The following EPB41L5 variants were observed in gnomAD, a reference collection of about 807,000 sequenced individuals.
EPB41L5 encodes the protein erythrocyte membrane protein band 4.1 like 5.
In EPB41L5, 55 loss-of-function variants were observed where a neutral mutation model predicts 106.6. The observed-to-expected ratio is 0.52, with a 90% confidence interval of 0.42 to 0.65. The LOEUF (loss-of-function observed/expected upper bound fraction) is 0.65, where lower values mean the gene tolerates loss of function less well. Ranked by LOEUF, EPB41L5 falls within the 30% of genes least tolerant of loss-of-function variation. EPB41L5 has a pLI of 0.00. For missense variants in EPB41L5, 871 were observed against 882.1 expected, an observed-to-expected ratio of 0.99 and a Z score of 0.16; for synonymous variants, 297 against 306.7, an observed-to-expected ratio of 0.97 and a Z score of 0.33.
chr2:120,147,077 G>T (rs1438798442), intron 20 of EPB41L5, among the ~76,000 whole-genome samples: 2 of 152,288 alleles, frequency 1.3e-5, no homozygotes, highest in East Asian at 3.9e-4. Context: ...GCCAGGCACG[G>T]TGTCTCAGAC....
At chr2:120,170,516 C>T (rs1037972913) in intron 24 of EPB41L5, among the ~76,000 whole-genome samples, 1 of 152,204 alleles carries the variant, frequency 6.6e-6, no homozygotes, top group African/African-American at 2.4e-5. Context: ...AAGAAGCTGC[C>T]CTCAGTCCTT....
chr2:120,072,033 A>G (rs961231004), intron 3 of EPB41L5, among the ~76,000 whole-genome samples: 11 of 152,248 alleles, frequency 7.2e-5, no homozygotes, highest in Non-Finnish European at 1.3e-4. Context: ...TTTGCAATGT[A>G]TCCATCTGGC....
intron 20 of EPB41L5, among the ~76,000 whole-genome samples, chr2:120,158,129 C>T (rs1012172841): frequency 2.0e-5 from 3 of 152,082 alleles, no homozygotes; most frequent in African/African-American, 7.2e-5. Flanking sequence ...AAAAAAAGCC[C>T]AGGATTAGAT....
intron 10 of EPB41L5, among the ~76,000 whole-genome samples, chr2:120,082,393 A>G (rs549453724): frequency 6.6e-6 from 1 of 152,066 alleles, no homozygotes; most frequent in Non-Finnish European, 1.5e-5. Context: ...AGTTCTGTTT[A>G]TATGCTGGAT....
chr2:120,121,282 C>T (rs1185526451), intron 16 of EPB41L5, among the ~76,000 whole-genome samples: 1 of 152,140 alleles, frequency 6.6e-6, no homozygotes, highest in Non-Finnish European at 1.5e-5. Context: ...TATACTTGTG[C>T]CATGTTGGTT....
At chr2:120,150,821 T>C (rs1291171813) in intron 20 of EPB41L5, among the ~76,000 whole-genome samples, 1 of 152,244 alleles carries the variant, frequency 6.6e-6, no homozygotes, top group Non-Finnish European at 1.5e-5. Flanking sequence ...GATTGTCTTT[T>C]CACTTTCTTA....
In EPB41L5 at chr2:120,143,125, G is replaced by C; in HGVS notation, c.1722G>C (p.Val574=). 6.3e-7 allele frequency: 1 copy of C among 1,594,234 alleles called. No homozygotes were observed. Among genetic ancestry groups the C allele is most frequent in the Non-Finnish European group, 8.5e-7 (1 of 1,172,540 alleles). ...TTTTGAAGGCTCAAGTAGAAGCAGT[G>C]CATAAGGTAAGCTGCCTTTGATAGA... ...SNILKAQVEA[V]HKVTKEDSLL... Residue 574 remains valine (V), a synonymous_variant, in exon 19 of 25, where the codon GTG becomes GTC. Coordinates refer to ENST00000263713, the MANE Select transcript of EPB41L5 (RefSeq NM_020909.4).
intron 3 of EPB41L5, among the ~76,000 whole-genome samples, chr2:120,068,984 C>T (rs771994610): frequency 6.6e-5 from 10 of 151,592 alleles, no homozygotes; most frequent in African/African-American, 7.3e-5. Context: ...AAAAATTAGC[C>T]GGGTGAGGTT....
chr2:120,099,983 C>T (rs1684032841), intron 14 of EPB41L5, among the ~76,000 whole-genome samples: 1 of 152,146 alleles, frequency 6.6e-6, no homozygotes, highest in East Asian at 1.9e-4. Flanking sequence ...TGAAGTATAC[C>T]TCTAAAGCAT....
intron 2 of EPB41L5, among the ~76,000 whole-genome samples, chr2:120,027,154 T>G (rs1325431787): frequency 1.3e-5 from 2 of 152,240 alleles, no homozygotes; most frequent in Non-Finnish European, 2.9e-5. Context: ...GGGCAGTTAT[T>G]CATATAGTAC....
chr2:120,152,743 T>C (rs1247677065), intron 20 of EPB41L5, among the ~76,000 whole-genome samples: 1 of 152,250 alleles, frequency 6.6e-6, no homozygotes, highest in Non-Finnish European at 1.5e-5. Flanking sequence ...CTTTTCTTTG[T>C]TGGAAAGTTT....
chr2:120,122,783 C>G (rs1008046158), intron 16 of EPB41L5, among the ~76,000 whole-genome samples: 1 of 152,172 alleles, frequency 6.6e-6, no homozygotes, highest in Admixed American at 6.5e-5. Flanking sequence ...GCCATTTTCA[C>G]GATATTGATT....
In EPB41L5 at chr2:120,175,216, G is replaced by A. The variant is rs775239226; in HGVS notation, c.*309G>A. The A allele has an allele frequency of 3.5e-4, 114 of 321,660 alleles. No individual in the cohort carries two copies. Among genetic ancestry groups the A allele is most frequent in the Non-Finnish European group, 5.7e-4 (94 of 165,462 alleles). The allele number at this position is 321,660 out of a possible 1,614,324, so 19.9% of individuals were successfully genotyped here. Reference sequence around the variant, plus strand: ...CTTCAAACTCTTGGCTCCACCTAGCGGTTCTATTTGTTCATAACAACTTCA... The same window carrying A: ...CTTCAAACTCTTGGCTCCACCTAGCAGTTCTATTTGTTCATAACAACTTCA... On this transcript the variant is annotated 3_prime_UTR_variant, in exon 25 of 25. Transcript: ENST00000263713.
chr2:120,079,138 A>C (rs1443969217), intron 10 of EPB41L5, among the ~76,000 whole-genome samples: 5 of 152,204 alleles, frequency 3.3e-5, no homozygotes, highest in Admixed American at 1.3e-4. Flanking sequence ...TACTGTTTAC[A>C]ATAAGATGTC....
intron 2 of EPB41L5, among the ~76,000 whole-genome samples, chr2:120,028,825 A>T (rs907025315): frequency 6.6e-6 from 1 of 152,150 alleles, no homozygotes; most frequent in Non-Finnish European, 1.5e-5. Context: ...TATGTCAAAG[A>T]TCATGAGAAG....
At chr2:120,031,493 A>G (rs1678706568) in intron 2 of EPB41L5, among the ~76,000 whole-genome samples, 1 of 152,236 alleles carries the variant, frequency 6.6e-6, no homozygotes. Flanking sequence ...CAGATGACTA[A>G]TGAATTTGTA....
rs376571880 is a variant in EPB41L5 at position 120,156,138 on chromosome 2, C to T, written c.1794-4743C>T. Among the ~76,000 whole-genome samples the T allele has an allele frequency of 1.3e-3, 192 of 152,236 alleles. 1 individual carries two copies. Among genetic ancestry groups the T allele is most frequent in the South Asian group, 0.011 (51 of 4,830 alleles). On this transcript the variant is annotated intron_variant, in intron 20 of 24. Coordinates refer to ENST00000263713, the MANE Select transcript of EPB41L5 (RefSeq NM_020909.4). ...CTTGCTCCCATAGGAAACTTTAGCC[C>T]GAGGAGAACTATCAGACCTGAACTC...
chr2:120,106,468 T>G, intron 16 of EPB41L5: 5 of 985,332 alleles, frequency 5.1e-6, no homozygotes, highest in Non-Finnish European at 6.0e-6. Flanking sequence ...ACCAACCTAT[T>G]TACACTCTAC....
intron 24 of EPB41L5, among the ~76,000 whole-genome samples, chr2:120,172,919 A>G (rs1687748484): frequency 6.6e-6 from 1 of 152,208 alleles, no homozygotes; most frequent in African/African-American, 2.4e-5. Flanking sequence ...TACTGAGAAG[A>G]GATCCATGGT....
Sources: allele counts gnomAD v4.1 joint callset (sites outside exome capture counted in the v4.1 genomes callset), GRCh38; gene constraint gnomAD v4.1.1; transcripts MANE v1.5; gene names NCBI Gene and HGNC (gene_info 2026-07-23, HGNC 2026-07-21).